The following SH3TC2 variants were observed in gnomAD, a reference collection of about 807,000 sequenced individuals.
The protein encoded by SH3TC2 is SH3 domain and tetratricopeptide repeats 2.
SH3TC2 carries 87 observed loss-of-function variants against 124.5 expected under a neutral mutation model. The ratio of observed to expected loss-of-function variants is 0.70; its 90% CI spans 0.59 to 0.84. The LOEUF is 0.84. Ranked by LOEUF, SH3TC2 falls within the 40% of genes least tolerant of loss-of-function variation. The probability of loss-of-function intolerance (pLI) is 0.00; values close to 1 mark genes in which losing one functional copy is unlikely to be tolerated. For synonymous variants in SH3TC2, 634 were observed against 628.5 expected (o/e 1.01, Z -0.13); for missense variants, 1,536 against 1,566.4 (o/e 0.98, Z 0.33).
At chr5:149,034,427 C>A (rs998513263) in intron 8 of SH3TC2, 8 of 349,972 alleles carry the variant, frequency 2.3e-5, no homozygotes, top group South Asian at 1.4e-4. Flanking sequence ...CTAAAAAGAA[C>A]GAGAGAGAGG....
chr5:149,006,163 G>C (rs1342374057), intron 16 of SH3TC2: 1 of 153,858 alleles, frequency 6.5e-6, no homozygotes, highest in African/African-American at 2.4e-5. Flanking sequence ...GGAGGCTGAA[G>C]TAGAAGGATT....
At chr5:149,036,927 G>A (rs1313886515) in intron 8 of SH3TC2, among the ~76,000 whole-genome samples, 1 of 152,064 alleles carries the variant, frequency 6.6e-6, no homozygotes, top group African/African-American at 2.4e-5. Context: ...TGGGCTTCTC[G>A]CTGGTCTCCT....
In SH3TC2 at chr5:148,993,561, T is replaced by C. The variant is rs760448799; in HGVS notation, c.*11150A>G. Among the ~76,000 whole-genome samples the C allele has an allele frequency of 9.9e-5, 15 of 152,212 alleles. No homozygotes were observed. Among genetic ancestry groups the C allele is most frequent in the Admixed American group, 5.9e-4 (9 of 15,280 alleles). On this transcript the variant is annotated 3_prime_UTR_variant, in exon 17 of 17. Transcript: ENST00000515425. The stretch of plus-strand genomic sequence containing the variant: ...GTTTTTAATGTTGTAGTTATAAGCA[T>C]GGAGTCAAAACACCCTCAGCAATAT...
intron 4 of SH3TC2, chr5:149,044,211 T>C: frequency 2.9e-6 from 1 of 348,636 alleles, no homozygotes; most frequent in Admixed American, 4.1e-5. Context: ...ACACACACAC[T>C]AGCACCAAGT....
At position 149,004,789 on chromosome 5, in the gene SH3TC2, G is replaced by T. The variant is rs1210794926; in HGVS notation, c.3789C>A (p.Ser1263Arg). 1.1e-5 allele frequency: 18 copies of T among 1,614,094 alleles called. No individual in the cohort carries two copies. The highest frequency in any genetic ancestry group is 1.5e-5 in the Non-Finnish European group (18 of 1,180,014). ...IRSRLDNICQSPLWHSRPSGC... is the reference protein window; with the variant it reads ...IRSRLDNICQRPLWHSRPSGC... The stretch of plus-strand genomic sequence containing the variant: ...CGGAGGGCCTGCTGTGCCACAGGGG[G>T]CTCTGGCAGATGTTGTCCAGCCTGC... Residue 1263 changes from serine to arginine, a missense_variant, in exon 17 of 17, where the codon AGC (serine) becomes AGA (arginine). Physicochemically the swap from Ser to Arg is moderately radical, Grantham distance 110 (BLOSUM62 -1). This residue lies in a region of SH3TC2 where 426 missense variants were observed against 443.5 expected (regional missense o/e 0.96). Coordinates refer to ENST00000515425, the MANE Select transcript of SH3TC2 (RefSeq NM_024577.4).
intron 1 of SH3TC2, among the ~76,000 whole-genome samples, chr5:149,057,999 C>A (rs1396164233): frequency 6.6e-6 from 1 of 152,176 alleles, no homozygotes; most frequent in Non-Finnish European, 1.5e-5. Flanking sequence ...ATGAATATGA[C>A]AGCCTGGAGC....
intron 8 of SH3TC2, among the ~76,000 whole-genome samples, chr5:149,032,352 C>G (rs1754211672): frequency 6.6e-6 from 1 of 152,166 alleles, no homozygotes; most frequent in African/African-American, 2.4e-5. Flanking sequence ...GTTGTGTAAA[C>G]TAACTGTTAA....
At chr5:149,059,673 A>T (rs1754712107) in intron 1 of SH3TC2, among the ~76,000 whole-genome samples, 1 of 151,988 alleles carries the variant, frequency 6.6e-6, no homozygotes, top group East Asian at 1.9e-4. Flanking sequence ...TTGCATCATG[A>T]TATCATTTTG....
chr5:149,006,652 G>A (rs112932319), intron 16 of SH3TC2, among the ~76,000 whole-genome samples: 32 of 152,250 alleles, frequency 2.1e-4, no homozygotes, highest in African/African-American at 7.2e-4. Flanking sequence ...GAGGAACCAT[G>A]GTCTACTCCT....
Position 149,027,199 on chromosome 5 carries a change from C to G in SH3TC2, c.2533G>C (p.Ala845Pro). 6.2e-7 allele frequency: 1 copy of G among 1,614,220 alleles called. No individual in the cohort carries two copies. Among genetic ancestry groups the G allele is most frequent in the Non-Finnish European group, 8.5e-7 (1 of 1,180,050 alleles). Reference protein sequence around the residue: ...RGVIYNLLGLALQGEGRVNRA... With the variant: ...RGVIYNLLGLPLQGEGRVNRA... ...TTCACCCGGCCTTCACCTTGGAGTG[C>G]AAGTCCCAGGAGGTTATAGATGACT... The change falls in exon 11 of 17, where the codon GCA becomes CCA. Residue 845 changes from alanine to proline, a missense_variant. Around this residue, in one of 3 missense-constraint regions of SH3TC2, gnomAD observed 1,102 missense variants for 1,098.6 expected, o/e 1.00. Transcript: ENST00000515425.
chr5:149,008,176 C>T (rs1452828799), intron 15 of SH3TC2: 3 of 156,466 alleles, frequency 1.9e-5, no homozygotes, highest in Non-Finnish European at 4.2e-5. Context: ...CAGAATATTA[C>T]ATTTACCCTT....
intron 1 of SH3TC2, chr5:149,057,441 C>T (rs1754668878): frequency 6.6e-6 from 1 of 151,956 alleles, no homozygotes; most frequent in Non-Finnish European, 1.5e-5. Context: ...TTCAGGGGTA[C>T]CTGTGCAGGA....
intron 1 of SH3TC2, among the ~76,000 whole-genome samples, chr5:149,057,222 C>T: frequency 6.6e-6 from 1 of 151,974 alleles, no homozygotes; most frequent in East Asian, 1.9e-4. Flanking sequence ...TCAGTAATAT[C>T]CTTTTTATCT....
intron 2 of SH3TC2, among the ~76,000 whole-genome samples, chr5:149,050,950 G>T (rs754491146): frequency 6.6e-6 from 1 of 152,080 alleles, no homozygotes; most frequent in Non-Finnish European, 1.5e-5. Context: ...CGTTTCCCTC[G>T]CTGACATTCT....
At chr5:149,062,205 C>G in intron 1 of SH3TC2, 1 of 408,460 alleles carries the variant, frequency 2.4e-6, no homozygotes, top group Non-Finnish European at 4.9e-6. Flanking sequence ...AAGCCTCCCC[C>G]CACCAATCTA....
Position 149,047,981 on chromosome 5 carries a change from G to C in SH3TC2, c.160C>G (p.Leu54Val). The change falls in exon 3 of 17, where the codon CTC (leucine) becomes GTC (valine). Residue 54 changes from leucine to valine, a missense_variant. By Grantham distance (32) the Leu-to-Val change is conservative (BLOSUM62 1). Around this residue, in one of 3 missense-constraint regions of SH3TC2, gnomAD observed 1,102 missense variants for 1,098.6 expected, o/e 1.00. Coordinates refer to ENST00000515425, the MANE Select transcript of SH3TC2 (RefSeq NM_024577.4). Reference sequence around the variant, plus strand: ...GAGCGGCTCTTTACACAGAAGGAGAGTGTCAGGTCTTAAAGAGAACAGAGA... The same window carrying C: ...GAGCGGCTCTTTACACAGAAGGAGACTGTCAGGTCTTAAAGAGAACAGAGA... Reference protein sequence around the residue: ...LPQNINPDLTLSFCVKSRSRR... With the variant: ...LPQNINPDLTVSFCVKSRSRR... The C allele has an allele frequency of 6.2e-7, 1 of 1,614,074 alleles. No homozygotes were observed. Among genetic ancestry groups the C allele is most frequent in the Non-Finnish European group, 8.5e-7 (1 of 1,179,988 alleles).
At chr5:149,037,012 TATA>T (rs1349824154) in intron 8 of SH3TC2, among the ~76,000 whole-genome samples, 3 of 152,258 alleles carry the variant, frequency 2.0e-5, no homozygotes, top group Non-Finnish European at 4.4e-5. Context: ...GGTCCAGTCA[TATA>T]ATATGTCACC....
intron 3 of SH3TC2, chr5:149,046,591 TA>T (rs1350161341): frequency 6.6e-6 from 1 of 152,212 alleles, no homozygotes; most frequent in Non-Finnish European, 1.5e-5. Context: ...AGAGGTTAAG[TA>T]AATTGTCCAA....
chr5:149,058,237 A>G lies in SH3TC2; in HGVS notation c.52+4734T>C, dbSNP rs56094175. On this transcript the variant is annotated intron_variant, in intron 1 of 16. Coordinates refer to ENST00000515425, the MANE Select transcript of SH3TC2 (RefSeq NM_024577.4). ...AAAAAGTTACTAACCCTCAATTCAG[A>G]AAAACACTGAGATTTATTTGTAAAC... Among the ~76,000 whole-genome samples, 310 of 152,334 alleles carry G rather than the reference A, an allele frequency of 2.0e-3. 1 individual carries two copies. The highest frequency in any genetic ancestry group is 7.2e-3 in the African/African-American group (299 of 41,576).
Sources: allele counts gnomAD v4.1 joint callset (sites outside exome capture counted in the v4.1 genomes callset), GRCh38; gene constraint gnomAD v4.1.1; regional missense constraint gnomAD v4.1.1; transcripts MANE v1.5; gene names NCBI Gene and HGNC (gene_info 2026-07-23, HGNC 2026-07-21).